Variants in TMEM64 observed in about 807,000 individuals in gnomAD.
TMEM64 encodes transmembrane protein 64.
TMEM64 carries 19 observed loss-of-function variants against 24.5 expected under a neutral mutation model. The observed-to-expected ratio is 0.78, with a 90% CI of 0.54 to 1.14. TMEM64 has a LOEUF of 1.14. Ranked by LOEUF, TMEM64 falls within the 50% of genes most tolerant of loss-of-function variation. The pLI, the probability that TMEM64 is intolerant of heterozygous loss-of-function variation, is 0.00. For missense variants in TMEM64, 487 were observed against 493.0 expected, an observed-to-expected ratio of 0.99 and a Z score of 0.12; for synonymous variants, 262 against 224.7, an observed-to-expected ratio of 1.17 and a Z score of -1.49.
chr8:90,633,714 T>G (rs888278988), intron 1 of TMEM64, among the ~76,000 whole-genome samples: 6 of 152,230 alleles, frequency 3.9e-5, no homozygotes, highest in African/African-American at 1.2e-4. Context: ...ATCTTTCTTA[T>G]TTTGATAGGA....
chr8:90,625,522 CT>C lies in TMEM64; in HGVS notation c.*148del. Reference sequence around the variant, plus strand: ...TTACATACCCAGAAAATGATTCTTGCTTTAAAAAAAAAAAATTGTGCAATTT... The same window carrying C: ...TTACATACCCAGAAAATGATTCTTGCTTAAAAAAAAAAAATTGTGCAATTT... On this transcript the variant is annotated 3_prime_UTR_variant, in exon 3 of 3. Transcript: ENST00000458549. 6 of 650,380 alleles carry C rather than the reference CT, an allele frequency of 9.2e-6. No individual in the cohort carries two copies. The highest frequency in any genetic ancestry group is 3.1e-5 in the Admixed American group (1 of 31,870). The allele number at this position is 650,380 out of a possible 1,614,324, so 40.3% of individuals were successfully genotyped here. A position where few individuals can be genotyped will look rare whatever the true frequency, so the allele number is the denominator to read the frequency against.
At chr8:90,627,067 C>A (rs1236653575) in intron 2 of TMEM64, among the ~76,000 whole-genome samples, 1 of 151,950 alleles carries the variant, frequency 6.6e-6, no homozygotes, top group Non-Finnish European at 1.5e-5. Context: ...AATGTCCCAG[C>A]AAGTTTACAA....
In TMEM64 at chr8:90,622,303, T is replaced by A. The variant is rs940046291; in HGVS notation, c.*3368A>T. 6.6e-6 allele frequency: 1 copy of A among 152,148 alleles called. No homozygotes were observed. Among genetic ancestry groups the A allele is most frequent in the Admixed American group, 6.5e-5 (1 of 15,272 alleles). 9.4% of individuals were successfully genotyped at this position (152,148 alleles called of 1,614,324 possible). ...AAGCAATGACTTTAAAAAGATTACA[T>A]CCTAAATACTTGATTACAACAGAAA... On this transcript the variant is annotated 3_prime_UTR_variant, in exon 3 of 3. Transcript: ENST00000458549.
intron 1 of TMEM64, among the ~76,000 whole-genome samples, chr8:90,643,332 T>C (rs543717179): frequency 5.3e-5 from 8 of 152,342 alleles, no homozygotes; most frequent in Middle Eastern, 3.4e-3. Flanking sequence ...ATTCATCTCA[T>C]GTAATCTTCT....
chr8:90,631,291 C>T (rs1586126926), intron 2 of TMEM64, among the ~76,000 whole-genome samples: 2 of 152,064 alleles, frequency 1.3e-5, no homozygotes, highest in African/African-American at 4.8e-5. Flanking sequence ...ATAATCACTG[C>T]AAAAATAACC....
At chr8:90,642,375 T>C (rs567319313) in intron 1 of TMEM64, among the ~76,000 whole-genome samples, 439 of 152,092 alleles carry the variant, frequency 2.9e-3, no homozygotes, top group Non-Finnish European at 5.5e-3. Flanking sequence ...TGAATTTCTC[T>C]AATTATGGGC....
Position 90,631,666 on chromosome 8 carries a change from C to A in TMEM64, c.837G>T (p.Ser279=). Residue 279 remains serine, a synonymous_variant, in exon 2 of 3, where the codon TCG becomes TCT. Coordinates refer to ENST00000458549, the MANE Select transcript of TMEM64 (RefSeq NM_001008495.4). ...LSLPNYLMAS[S]VGLLPTQLLN... Reference sequence around the variant, plus strand: ...GAAGCTGGGTAGGAAGCAGTCCAACCGAAGATGCCATCAGATAGTTGGGTA... The same window carrying A: ...GAAGCTGGGTAGGAAGCAGTCCAACAGAAGATGCCATCAGATAGTTGGGTA... 6.2e-7 allele frequency: 1 copy of A among 1,613,508 alleles called. No individual in the cohort carries two copies. The highest frequency in any genetic ancestry group is 8.5e-7 in the Non-Finnish European group (1 of 1,179,614).
chr8:90,644,915 C>A (rs1284128725), intron 1 of TMEM64, among the ~76,000 whole-genome samples, 196 bp downstream of exon 1: 1 of 147,636 alleles, frequency 6.8e-6, no homozygotes, highest in African/African-American at 2.4e-5. Flanking sequence ...CTAACAAACT[C>A]TCTTTCGAGG....
intron 2 of TMEM64, among the ~76,000 whole-genome samples, chr8:90,629,979 G>A (rs1435029116): frequency 6.6e-6 from 1 of 152,036 alleles, no homozygotes; most frequent in Admixed American, 6.6e-5. Flanking sequence ...TGAGAATAAT[G>A]CCACCAAAAT....
chr8:90,642,866 CCT>C (rs894596778), intron 1 of TMEM64, among the ~76,000 whole-genome samples: 7 of 152,254 alleles, frequency 4.6e-5, no homozygotes, highest in South Asian at 4.2e-4. Flanking sequence ...GATGGTTGAG[CCT>C]CTGTTTCTTC....
chr8:90,635,367 C>CATTTTATTTTATTTT (rs540790616), intron 1 of TMEM64, among the ~76,000 whole-genome samples: 3,088 of 149,306 alleles, frequency 0.021, 118 homozygotes, highest in African/African-American at 0.073. Flanking sequence ...GCTTCCAAAT[C>CATTTTATTTTATTTT]ATTTTATTTT....
At chr8:90,629,428 A>G (rs570297977) in intron 2 of TMEM64, among the ~76,000 whole-genome samples, 9 of 152,286 alleles carry the variant, frequency 5.9e-5, no homozygotes, top group Admixed American at 5.2e-4. Context: ...CTAAGCTACT[A>G]ACAATGAGGG....
intron 1 of TMEM64, among the ~76,000 whole-genome samples, chr8:90,634,488 T>C (rs1168993847): frequency 2.0e-5 from 3 of 152,214 alleles, no homozygotes; most frequent in Non-Finnish European, 4.4e-5. Context: ...TTGGCCATAT[T>C]TATTCTTGCA....
intron 2 of TMEM64, among the ~76,000 whole-genome samples, chr8:90,626,909 T>C (rs1809368920): frequency 6.6e-6 from 1 of 152,222 alleles, no homozygotes; most frequent in Non-Finnish European, 1.5e-5. Flanking sequence ...ATTACAGGCA[T>C]GAGCCACAGT....
At position 90,624,711 on chromosome 8, in the gene TMEM64, C is replaced by T. The variant is rs1809328849; in HGVS notation, c.*960G>A. On this transcript the variant is annotated 3_prime_UTR_variant, in exon 3 of 3. Coordinates refer to ENST00000458549, the MANE Select transcript of TMEM64 (RefSeq NM_001008495.4). ...TATATGTACTTCATGAAATTATAAA[C>T]ATGTTTTTAAAGCTTGGTTTTTAAA... 1 of 152,480 alleles carries T rather than the reference C, an allele frequency of 6.6e-6. No individual in the cohort carries two copies. The highest frequency in any genetic ancestry group is 2.1e-4 in the South Asian group (1 of 4,830). 9.4% of individuals were successfully genotyped at this position (152,480 alleles called of 1,614,324 possible). A position where few individuals can be genotyped will look rare whatever the true frequency, so the allele number is the denominator to read the frequency against.
chr8:90,625,457 T>A lies in TMEM64; in HGVS notation c.*214A>T. The A allele has an allele frequency of 2.1e-6, 1 of 483,756 alleles. No individual in the cohort carries two copies. Among genetic ancestry groups the A allele is most frequent in the South Asian group, 4.0e-5 (1 of 24,740 alleles). The allele number at this position is 483,756 out of a possible 1,614,324, so 30.0% of individuals were successfully genotyped here. On this transcript the variant is annotated 3_prime_UTR_variant, in exon 3 of 3. Transcript: ENST00000458549. ...GCAGACCTATAGGCCAATACAGGCA[T>A]GATAAAGAGGTGCAGCCAAATTTGC... is the stretch of plus-strand genomic sequence containing the variant.
At chr8:90,630,729 T>C (rs766112024) in intron 2 of TMEM64, among the ~76,000 whole-genome samples, 36 of 152,202 alleles carry the variant, frequency 2.4e-4, no homozygotes, top group Non-Finnish European at 4.6e-4. Context: ...CCTAGGGTTT[T>C]GGTAGGGACT....
intron 1 of TMEM64, among the ~76,000 whole-genome samples, chr8:90,634,960 G>A (rs1367889667): frequency 6.6e-6 from 1 of 152,106 alleles, no homozygotes; most frequent in East Asian, 1.9e-4. Context: ...ATGAACTGGA[G>A]ATGCATCACT....
At chr8:90,636,008 C>A (rs1480957682) in intron 1 of TMEM64, among the ~76,000 whole-genome samples, 1 of 152,202 alleles carries the variant, frequency 6.6e-6, no homozygotes, top group Non-Finnish European at 1.5e-5. Flanking sequence ...CTCAACTCAA[C>A]AAGACCGTTG....
Sources: allele counts gnomAD v4.1 joint callset (sites outside exome capture counted in the v4.1 genomes callset), GRCh38; gene constraint gnomAD v4.1.1; transcripts MANE v1.5; gene names NCBI Gene and HGNC (gene_info 2026-07-23, HGNC 2026-07-21).